The following CDH13 variants were observed in gnomAD, a reference collection of about 807,000 sequenced individuals.
The protein encoded by CDH13 is cadherin-13.
In CDH13, 24 loss-of-function variants were observed where a neutral mutation model predicts 63.8. The ratio of observed to expected loss-of-function variants is 0.38; its 90% CI spans 0.27 to 0.53. The LOEUF is 0.53. CDH13 is among the 20% of genes least tolerant of loss of function. CDH13 has a pLI of 0.85. For missense variants in CDH13, 1,049 were observed against 903.1 expected (o/e 1.16, Z -2.07); for synonymous variants, 503 against 355.3 (o/e 1.42, Z -4.67).
intron 7 of CDH13, among the ~76,000 whole-genome samples, chr16:83,596,521 C>T (rs1907275210): frequency 6.6e-6 from 1 of 152,148 alleles, no homozygotes; most frequent in African/African-American, 2.4e-5. Flanking sequence ...GGAGAAAGGG[C>T]ATCTGTGGGC....
chr16:82,832,373 A>G (rs1436576920), intron 1 of CDH13, among the ~76,000 whole-genome samples: 1 of 152,172 alleles, frequency 6.6e-6, no homozygotes, highest in Non-Finnish European at 1.5e-5. Flanking sequence ...CATAGTTTTC[A>G]GTGTTTTACA....
chr16:83,572,332 G>T (rs1567775112), intron 7 of CDH13, among the ~76,000 whole-genome samples: 1 of 151,980 alleles, frequency 6.6e-6, no homozygotes, highest in South Asian at 2.1e-4. Flanking sequence ...GAAGAGACAG[G>T]GTTTCATCAT....
chr16:83,075,272 C>G (rs1282846976), intron 3 of CDH13, among the ~76,000 whole-genome samples: 1 of 152,170 alleles, frequency 6.6e-6, no homozygotes, highest in Admixed American at 6.5e-5. Context: ...AGTTTCACCC[C>G]AGTTCTTGTC....
At chr16:82,809,297 T>G (rs2037320366) in intron 1 of CDH13, among the ~76,000 whole-genome samples, 1 of 113,744 alleles carries the variant, frequency 8.8e-6, no homozygotes, top group African/African-American at 3.4e-5. Context: ...TGACCACCTC[T>G]CAAGTTATTT....
At chr16:83,708,894 T>G (rs186487874) in intron 10 of CDH13, among the ~76,000 whole-genome samples, 7 of 152,152 alleles carry the variant, frequency 4.6e-5, no homozygotes, top group Admixed American at 3.3e-4. Flanking sequence ...TGTGGTGGCA[T>G]ACACCTGTAG....
At chr16:82,641,414 T>C (rs527883942) in intron 1 of CDH13, among the ~76,000 whole-genome samples, 8 of 152,192 alleles carry the variant, frequency 5.3e-5, no homozygotes, top group Non-Finnish European at 1.2e-4. Context: ...TACTGGAAAC[T>C]TCCTCAGTAG....
chr16:82,791,136 C>A (rs915838483), intron 1 of CDH13, among the ~76,000 whole-genome samples: 2 of 151,116 alleles, frequency 1.3e-5, no homozygotes, highest in African/African-American at 4.9e-5. Flanking sequence ...ACTCGGGAGG[C>A]TGAGGCAGGA....
chr16:83,349,017 T>C (rs975349458), intron 6 of CDH13, among the ~76,000 whole-genome samples: 12 of 152,148 alleles, frequency 7.9e-5, no homozygotes, highest in African/African-American at 2.9e-4. Flanking sequence ...TCGGCACCAA[T>C]CTATCACAAA....
intron 5 of CDH13, among the ~76,000 whole-genome samples, chr16:83,287,250 A>G (rs577209973): frequency 5.2e-4 from 79 of 152,216 alleles, no homozygotes; most frequent in Non-Finnish European, 1.0e-3. Flanking sequence ...GGGCCAGCTG[A>G]TGAAGCCAGA....
chr16:83,590,039 A>G (rs193253531), intron 7 of CDH13, among the ~76,000 whole-genome samples: 198 of 152,350 alleles, frequency 1.3e-3, no homozygotes, highest in Middle Eastern at 3.4e-3. Flanking sequence ...TATGAATTAC[A>G]AATAGCTCAG....
intron 5 of CDH13, among the ~76,000 whole-genome samples, chr16:83,228,246 G>C (rs1467816409): frequency 6.6e-6 from 1 of 152,194 alleles, no homozygotes; most frequent in Non-Finnish European, 1.5e-5. Flanking sequence ...TTGCCATCTG[G>C]TGGGTCAGGC....
chr16:83,794,043 A>C (rs989107921), intron 13 of CDH13, among the ~76,000 whole-genome samples: 3 of 152,156 alleles, frequency 2.0e-5, no homozygotes, highest in Non-Finnish European at 4.4e-5. Context: ...AGGGGCCATG[A>C]GCCAAGGGAT....
In CDH13 at chr16:82,893,447, C is replaced by G. The variant is rs185241178; in HGVS notation, c.157+34974C>G. 3.3e-3 allele frequency among the ~76,000 whole-genome samples: 500 copies of G among 152,320 alleles called. 2 individuals carry two copies. In the South Asian group the frequency reaches 0.038, roughly 12 times the overall value. On this transcript the variant is annotated intron_variant, in intron 2 of 13. Transcript: ENST00000567109. ...GTGGACTGGGCCAACTAATGGGTTTCTAATCATTGTTAATCTACAAGTGTG... is the reference window on the plus strand; with the variant it reads ...GTGGACTGGGCCAACTAATGGGTTTGTAATCATTGTTAATCTACAAGTGTG...
At position 83,729,771 on chromosome 16, in the gene CDH13, T is replaced by C. The variant is rs571005537; in HGVS notation, c.1539-18337T>C. Among the ~76,000 whole-genome samples the C allele has an allele frequency of 4.6e-5, 7 of 152,376 alleles. No homozygotes were observed. The East Asian group carries it at 1.2e-3, about 25-fold the overall frequency. On this transcript the variant is annotated intron_variant, in intron 10 of 13. Coordinates refer to ENST00000567109, the MANE Select transcript of CDH13 (RefSeq NM_001257.5). ...TAAATATTATCTGTGACTCTATTAT[T>C]ATCATCATCATGATCATAATTATTA...
At chr16:82,712,745 C>T (rs7188430) in intron 1 of CDH13, among the ~76,000 whole-genome samples, 25,735 of 152,126 alleles carry the variant, frequency 0.17, 2,385 homozygotes, top group Admixed American at 0.27. Context: ...CTTGACTGTT[C>T]GCATAGCCTT....
chr16:82,975,743 C>T (rs1461645449), intron 2 of CDH13, among the ~76,000 whole-genome samples: 1 of 152,146 alleles, frequency 6.6e-6, no homozygotes, highest in Non-Finnish European at 1.5e-5. Flanking sequence ...TAATGTATTG[C>T]AATCAGTTTC....
intron 2 of CDH13, among the ~76,000 whole-genome samples, chr16:82,921,273 C>G (rs1231744859): frequency 6.6e-6 from 1 of 152,172 alleles, no homozygotes; most frequent in Non-Finnish European, 1.5e-5. Context: ...TACACTCTCT[C>G]CAGAAGCTCT....
chr16:83,289,342 G>A (rs2089409777), intron 5 of CDH13, among the ~76,000 whole-genome samples: 1 of 152,114 alleles, frequency 6.6e-6, no homozygotes, highest in Non-Finnish European at 1.5e-5. Flanking sequence ...CTTTCTGAAA[G>A]GCTTCTGTTT....
intron 4 of CDH13, among the ~76,000 whole-genome samples, chr16:83,125,959 C>T (rs1321370835): frequency 1.3e-5 from 2 of 152,094 alleles, no homozygotes; most frequent in Non-Finnish European, 2.9e-5. Flanking sequence ...TAATCATATC[C>T]AGAATCGGAT....
Sources: gnomAD v4.1 joint callset for allele counts (sites outside exome capture counted in the v4.1 genomes callset) on GRCh38, gnomAD v4.1.1 for gene constraint, MANE v1.5 for transcripts, NCBI Gene and HGNC (gene_info 2026-07-23, HGNC 2026-07-21) for gene names.